PRKCH: variants seen among roughly 807,000 people sequenced by gnomAD.
PRKCH encodes the protein protein kinase C eta type.
In PRKCH, 28 loss-of-function variants were observed where a neutral mutation model predicts 82.5. The observed-to-expected ratio is 0.34, with a 90% CI of 0.25 to 0.47. The LOEUF is 0.47. Among genes scored for constraint, PRKCH ranks in the 20% least tolerant of loss-of-function variants. The pLI, the probability that PRKCH is intolerant of heterozygous loss-of-function variation, is 1.00. For missense variants in PRKCH, 705 were observed against 881.8 expected (o/e 0.80, Z 2.54); for synonymous variants, 322 against 327.4 (o/e 0.98, Z 0.18).
chr14:61,300,385 G>C (rs2045439845), intron 1 of PRKCH, among the ~76,000 whole-genome samples: 1 of 152,164 alleles, frequency 6.6e-6, no homozygotes, highest in Non-Finnish European at 1.5e-5. Context: ...TGATGAAACA[G>C]AATTTATTGA....
intron 2 of PRKCH, among the ~76,000 whole-genome samples, chr14:61,421,836 G>A (rs1882851121): frequency 6.6e-6 from 1 of 152,162 alleles, no homozygotes. Context: ...GCTGTAAGGA[G>A]GGCACCAAGC....
intron 9 of PRKCH, among the ~76,000 whole-genome samples, chr14:61,472,863 T>TA (rs1885565955): frequency 6.6e-6 from 1 of 152,260 alleles, no homozygotes; most frequent in Non-Finnish European, 1.5e-5. Flanking sequence ...TCTTGCATTT[T>TA]AAATTCAATT....
chr14:61,431,350 A>G (rs904143023), intron 2 of PRKCH, among the ~76,000 whole-genome samples: 8 of 152,188 alleles, frequency 5.3e-5, no homozygotes, highest in Non-Finnish European at 1.2e-4. Flanking sequence ...TCCCAAGTCA[A>G]GCGTCGGACA....
chr14:61,503,039 G>A (rs2245139), intron 10 of PRKCH, among the ~76,000 whole-genome samples: 141,468 of 143,204 alleles, frequency 0.99, 69,902 homozygotes, highest in East Asian at 1. Context: ...TACACAGAAG[G>A]TGGAATTGAG....
intron 2 of PRKCH, among the ~76,000 whole-genome samples, chr14:61,438,912 G>A (rs1258450631): frequency 6.6e-6 from 1 of 152,204 alleles, no homozygotes; most frequent in Non-Finnish European, 1.5e-5. Flanking sequence ...TGTGGATGGG[G>A]TGGCTTTTCA....
intron 1 of PRKCH, among the ~76,000 whole-genome samples, chr14:61,370,977 TAC>T (rs2046358729): frequency 6.6e-6 from 1 of 152,054 alleles, no homozygotes; most frequent in Admixed American, 6.5e-5. Flanking sequence ...GAATGTTACA[TAC>T]ACAGTCTAGA....
In PRKCH at chr14:61,374,281, G is replaced by C. The variant is rs111262763; in HGVS notation, c.364-16944G>C. On this transcript the variant is annotated intron_variant, in intron 1 of 13. Coordinates refer to ENST00000332981, the MANE Select transcript of PRKCH (RefSeq NM_006255.5). ...GGGTACAGCCCCTGCGACTGCTTTCGTGGCGTTGAGTGCCTGTGGCTTTTC... is the reference window on the plus strand; with the variant it reads ...GGGTACAGCCCCTGCGACTGCTTTCCTGGCGTTGAGTGCCTGTGGCTTTTC... 8.7e-3 allele frequency among the ~76,000 whole-genome samples: 1,328 copies of C among 152,260 alleles called. 38 individuals are homozygous for C. The highest frequency in any genetic ancestry group is 0.031 in the African/African-American group (1,269 of 41,508).
intron 10 of PRKCH, among the ~76,000 whole-genome samples, chr14:61,520,493 AC>A (rs2042891504): frequency 6.6e-6 from 1 of 152,182 alleles, no homozygotes; most frequent in South Asian, 2.1e-4. Context: ...AATATTTACA[AC>A]CCATAGAACC....
chr14:61,264,978 T>C (rs976146394), intron 1 of PRKCH, among the ~76,000 whole-genome samples: 9 of 152,270 alleles, frequency 5.9e-5, no homozygotes, highest in Admixed American at 5.2e-4. Context: ...TTAAGATCAC[T>C]AGAGCCACCC....
chr14:61,481,990 CTTTTTTTTT>C (rs35134897), intron 9 of PRKCH, among the ~76,000 whole-genome samples: 3 of 101,078 alleles, frequency 3.0e-5, no homozygotes, highest in African/African-American at 1.3e-4. Context: ...TTTCCTTTTC[CTTTTTTTTT>C]TTTTTTTTTT....
At chr14:61,486,122 G>A (rs1039228537) in intron 10 of PRKCH, among the ~76,000 whole-genome samples, 2 of 152,140 alleles carry the variant, frequency 1.3e-5, no homozygotes, top group African/African-American at 4.8e-5. Flanking sequence ...AATTGGTTCA[G>A]CCCCAGTTTG....
At chr14:61,337,485 A>G (rs1811449585) in intron 1 of PRKCH, among the ~76,000 whole-genome samples, 3 of 152,096 alleles carry the variant, frequency 2.0e-5, no homozygotes, top group Admixed American at 6.5e-5. Context: ...GGTACATACA[A>G]TCTTAACTCA....
rs558572100 is a variant in PRKCH, at chr14:61,550,838, G to A, written c.*1007G>A. ...TATTTATGTTTTAAGATGCAAAGAT[G>A]TGTGTTTGATATTCACTTTAATAAT... is the stretch of plus-strand genomic sequence containing the variant. On this transcript the variant is annotated 3_prime_UTR_variant, in exon 14 of 14. Coordinates refer to ENST00000332981, the MANE Select transcript of PRKCH (RefSeq NM_006255.5). 6.6e-6 allele frequency: 1 copy of A among 152,316 alleles called. No individual in the cohort carries two copies. Among genetic ancestry groups the A allele is most frequent in the South Asian group, 2.1e-4 (1 of 4,828 alleles). 9.4% of individuals were successfully genotyped at this position (152,316 alleles called of 1,614,324 possible). A position where few individuals can be genotyped will look rare whatever the true frequency, so the allele number is the denominator to read the frequency against.
intron 1 of PRKCH, among the ~76,000 whole-genome samples, chr14:61,257,833 C>G (rs1342886005): frequency 6.6e-6 from 1 of 152,120 alleles, no homozygotes; most frequent in Non-Finnish European, 1.5e-5. Context: ...TCAGCTAGAA[C>G]GAGCACTCTT....
chr14:61,328,864 T>G (rs1303967022), intron 1 of PRKCH, among the ~76,000 whole-genome samples: 1 of 151,848 alleles, frequency 6.6e-6, no homozygotes, highest in African/African-American at 2.4e-5. Flanking sequence ...CACATGCCTC[T>G]AGTCCCAGCT....
chr14:61,423,441 G>T (rs148338788), intron 2 of PRKCH, among the ~76,000 whole-genome samples: 1 of 152,198 alleles, frequency 6.6e-6, no homozygotes, highest in Non-Finnish European at 1.5e-5. Context: ...CTGGAGTACC[G>T]TGCACAGAAG....
chr14:61,395,892 C>A (rs906077339), intron 2 of PRKCH, among the ~76,000 whole-genome samples: 2 of 152,040 alleles, frequency 1.3e-5, no homozygotes, highest in African/African-American at 4.8e-5. Flanking sequence ...CCGGCCTGGG[C>A]AACATGGTGA....
At chr14:61,203,338 G>C (rs969888893) in intron 1 of PRKCH, among the ~76,000 whole-genome samples, 8 of 152,238 alleles carry the variant, frequency 5.3e-5, no homozygotes, top group South Asian at 2.1e-4. Flanking sequence ...GGGGACGTTA[G>C]GTCCCCAGTG....
intron 1 of PRKCH, among the ~76,000 whole-genome samples, chr14:61,325,245 T>A (rs1594913415): frequency 6.6e-6 from 1 of 152,136 alleles, no homozygotes; most frequent in African/African-American, 2.4e-5. Context: ...ATCAAGATAA[T>A]GTGATATTGG....
Sources: allele counts gnomAD v4.1 joint callset (sites outside exome capture counted in the v4.1 genomes callset), GRCh38; gene constraint gnomAD v4.1.1; transcripts MANE v1.5; gene names NCBI Gene and HGNC (gene_info 2026-07-23, HGNC 2026-07-21).